Variants in BMPR1B observed in about 807,000 individuals in gnomAD.
BMPR1B encodes bone morphogenetic protein receptor type 1B.
A neutral mutation model predicts 59.1 loss-of-function variants in BMPR1B; 12 were observed. That is an observed-to-expected ratio of 0.20 (90% CI 0.13 to 0.33). BMPR1B has a LOEUF of 0.33. BMPR1B is among the 10% of genes least tolerant of loss of function. BMPR1B has a pLI of 1.00. For missense variants in BMPR1B, 550 were observed against 610.9 expected, an observed-to-expected ratio of 0.90 and a Z score of 1.05; for synonymous variants, 237 against 207.3, an observed-to-expected ratio of 1.14 and a Z score of -1.23.
At chr4:94,998,579 G>A (rs771806613) in intron 3 of BMPR1B, among the ~76,000 whole-genome samples, 2 of 152,012 alleles carry the variant, frequency 1.3e-5, no homozygotes, top group Non-Finnish European at 2.9e-5. Context: ...CTCCATGTTA[G>A]TCAGGCTGGT....
At chr4:94,853,210 A>G (rs2865412) in intron 1 of BMPR1B, among the ~76,000 whole-genome samples, 91,997 of 151,536 alleles carry the variant, frequency 0.61, 28,765 homozygotes, top group African/African-American at 0.76. Context: ...ATTTTTCATA[A>G]CGTGGAGTTC....
At chr4:94,927,108 G>A (rs3775025) in intron 2 of BMPR1B, among the ~76,000 whole-genome samples, 47,576 of 151,994 alleles carry the variant, frequency 0.31, 7,535 homozygotes, top group South Asian at 0.47. Context: ...CACAGGCTTG[G>A]TGCACAAGAA....
chr4:94,993,697 G>T (rs1362155304), intron 2 of BMPR1B, among the ~76,000 whole-genome samples: 2 of 147,714 alleles, frequency 1.4e-5, no homozygotes, highest in Non-Finnish European at 1.5e-5. Flanking sequence ...GGAGGTGGAG[G>T]TCATAGTGAG....
chr4:95,094,919 C>T (rs988564379), intron 3 of BMPR1B, among the ~76,000 whole-genome samples: 4 of 152,048 alleles, frequency 2.6e-5, no homozygotes, highest in Admixed American at 6.6e-5. Context: ...AAAATCTGTT[C>T]TTTCCCTACA....
chr4:95,023,138 G>T (rs1485634084), intron 3 of BMPR1B, among the ~76,000 whole-genome samples: 2 of 152,120 alleles, frequency 1.3e-5, no homozygotes, highest in Non-Finnish European at 2.9e-5. Flanking sequence ...GGCTCAAAAT[G>T]AATATAACCC....
intron 3 of BMPR1B, among the ~76,000 whole-genome samples, chr4:95,030,978 T>A (rs1170790041): frequency 6.6e-6 from 1 of 151,926 alleles, no homozygotes; most frequent in African/African-American, 2.4e-5. Flanking sequence ...GCCATCCCCA[T>A]CAAGCTACCA....
intron 1 of BMPR1B, among the ~76,000 whole-genome samples, chr4:94,845,303 T>C (rs1307322883): frequency 1.3e-5 from 2 of 151,978 alleles, no homozygotes; most frequent in African/African-American, 4.8e-5. Context: ...AATAAATGGT[T>C]AGGTTAGAAA....
At chr4:94,921,454 G>A (rs189306079) in intron 2 of BMPR1B, among the ~76,000 whole-genome samples, 3 of 152,054 alleles carry the variant, frequency 2.0e-5, no homozygotes, top group Non-Finnish European at 4.4e-5. Flanking sequence ...CTTGGCTTTT[G>A]GAGAGGCCTC....
chr4:95,113,441 A>G (rs892122042), intron 4 of BMPR1B, among the ~76,000 whole-genome samples: 11 of 152,212 alleles, frequency 7.2e-5, no homozygotes, highest in Non-Finnish European at 1.2e-4. Flanking sequence ...AACATATAGC[A>G]GCATGCTGCT....
At chr4:95,107,110 T>C (rs1282098964) in intron 4 of BMPR1B, among the ~76,000 whole-genome samples, 2 of 151,960 alleles carry the variant, frequency 1.3e-5, no homozygotes, top group Non-Finnish European at 2.9e-5. Flanking sequence ...GTATGAAGAA[T>C]TGGGATTAAT....
At chr4:94,900,540 A>C (rs1727771919) in intron 2 of BMPR1B, among the ~76,000 whole-genome samples, 1 of 152,066 alleles carries the variant, frequency 6.6e-6, no homozygotes, top group South Asian at 2.1e-4. Flanking sequence ...TATTAAAAAC[A>C]AGGGCAGAGT....
At chr4:94,766,216 G>A (rs1339556684) in intron 1 of BMPR1B, among the ~76,000 whole-genome samples, 1 of 151,978 alleles carries the variant, frequency 6.6e-6, no homozygotes, top group African/African-American at 2.4e-5. Flanking sequence ...TTTGATCATG[G>A]GACTTGTATT....
chr4:94,793,998 G>C (rs1395512208), intron 1 of BMPR1B, among the ~76,000 whole-genome samples: 1 of 149,562 alleles, frequency 6.7e-6, no homozygotes, highest in African/African-American at 2.5e-5. Context: ...AGTTTCTTTT[G>C]CTGTACAGAA....
intron 10 of BMPR1B, among the ~76,000 whole-genome samples, chr4:95,133,919 G>A (rs1281510909): frequency 6.6e-6 from 1 of 151,586 alleles, no homozygotes; most frequent in Non-Finnish European, 1.5e-5. Context: ...GGGTACACGT[G>A]CACAACGTGC....
chr4:94,873,761 T>TA (rs1423617428), intron 1 of BMPR1B, among the ~76,000 whole-genome samples: 1 of 152,188 alleles, frequency 6.6e-6, no homozygotes, highest in Admixed American at 6.5e-5. Flanking sequence ...TTATTGCGTT[T>TA]AAAAAAATTA....
chr4:94,882,128 G>GT (rs1017550631), intron 2 of BMPR1B, among the ~76,000 whole-genome samples: 3 of 151,994 alleles, frequency 2.0e-5, no homozygotes, highest in African/African-American at 7.2e-5. Flanking sequence ...CCCCCTCACT[G>GT]TTTTTTTCTT....
chr4:94,869,480 A>T (rs1334724048), intron 1 of BMPR1B, among the ~76,000 whole-genome samples: 2 of 152,144 alleles, frequency 1.3e-5, no homozygotes, highest in African/African-American at 2.4e-5. Context: ...CATCTGAGCT[A>T]CTTTGTCTAA....
chr4:95,028,638 A>G (rs1368204330), intron 3 of BMPR1B, among the ~76,000 whole-genome samples: 2 of 152,144 alleles, frequency 1.3e-5, no homozygotes, highest in African/African-American at 4.8e-5. Context: ...ATTACTATAA[A>G]ATTGCTATCT....
chr4:95,150,167 A>C (rs1419423472), intron 11 of BMPR1B, among the ~76,000 whole-genome samples: 1 of 152,214 alleles, frequency 6.6e-6, no homozygotes, highest in African/African-American at 2.4e-5. Flanking sequence ...TTTGAAATAG[A>C]ACACATACTC....
Sources: gnomAD v4.1 joint callset for allele counts (sites outside exome capture counted in the v4.1 genomes callset) on GRCh38, gnomAD v4.1.1 for gene constraint, MANE v1.5 for transcripts, NCBI Gene and HGNC (gene_info 2026-07-23, HGNC 2026-07-21) for gene names.